The following KIF6 variants were observed in gnomAD, a reference collection of about 807,000 sequenced individuals.
The protein encoded by KIF6 is kinesin family member 6.
Under a neutral mutation model 112.7 loss-of-function variants are expected in KIF6, and 106 were observed. The ratio of observed to expected loss-of-function variants is 0.94; its 90% CI spans 0.80 to 1.11. The LOEUF is 1.11. Ranked by LOEUF, KIF6 falls within the 50% of genes least tolerant of loss-of-function variation. The pLI, the probability that KIF6 is intolerant of heterozygous loss-of-function variation, is 0.00. For synonymous variants in KIF6, 339 were observed against 339.9 expected (o/e 1.00, Z 0.03); for missense variants, 929 against 964.0 (o/e 0.96, Z 0.48).
intron 13 of KIF6, among the ~76,000 whole-genome samples, chr6:39,448,547 A>G (rs1287296469): frequency 6.6e-6 from 1 of 152,132 alleles, no homozygotes; most frequent in African/African-American, 2.4e-5. Context: ...GTCTAGTCTG[A>G]CCAATATGCA....
intron 13 of KIF6, among the ~76,000 whole-genome samples, chr6:39,520,127 G>A (rs1454665928): frequency 6.6e-6 from 1 of 152,128 alleles, no homozygotes; most frequent in African/African-American, 2.4e-5. Context: ...TTCCGGAGCA[G>A]TTTCTTATAT....
intron 13 of KIF6, among the ~76,000 whole-genome samples, chr6:39,538,565 C>G (rs1443619503): frequency 6.6e-6 from 1 of 151,764 alleles, no homozygotes; most frequent in African/African-American, 2.4e-5. Context: ...AGTCAGGAAA[C>G]AACAGGTGCT....
chr6:39,703,736 A>G (rs1173264636), intron 3 of KIF6, among the ~76,000 whole-genome samples: 1 of 152,234 alleles, frequency 6.6e-6, no homozygotes, highest in East Asian at 1.9e-4. Flanking sequence ...ATAAAGCACG[A>G]GATAAATTTA....
At chr6:39,529,328 G>A (rs1455116900) in intron 13 of KIF6, among the ~76,000 whole-genome samples, 7 of 152,136 alleles carry the variant, frequency 4.6e-5, no homozygotes, top group Non-Finnish European at 1.0e-4. Context: ...AAAATAAAAA[G>A]CTTCTGCAGA....
intron 13 of KIF6, among the ~76,000 whole-genome samples, chr6:39,488,313 C>T (rs1775255802): frequency 6.6e-6 from 1 of 152,064 alleles, no homozygotes; most frequent in African/African-American, 2.4e-5. Context: ...GTTAAGATCT[C>T]CCATTTCATT....
chr6:39,621,196 G>GACACACACACACACACAC (rs55752326), intron 5 of KIF6, among the ~76,000 whole-genome samples: 1 of 136,012 alleles, frequency 7.4e-6, no homozygotes, highest in African/African-American at 2.8e-5. Context: ...CCGTAAGATA[G>GACACACACACACACACAC]ACACACACAC....
intron 9 of KIF6, among the ~76,000 whole-genome samples, chr6:39,584,419 A>C (rs60689582): frequency 0.25 from 11,421 of 45,450 alleles, 1,066 homozygotes; most frequent in African/African-American, 0.44. Context: ...TCTGTCTCTA[A>C]AAAAAAAAAA....
At chr6:39,498,984 T>C (rs1775955351) in intron 13 of KIF6, among the ~76,000 whole-genome samples, 1 of 152,178 alleles carries the variant, frequency 6.6e-6, no homozygotes, top group South Asian at 2.1e-4. Context: ...TGATAAATGC[T>C]TTGGAAAGAA....
rs542439920 is a variant in KIF6 at position 39,346,468 on chromosome 6, G to T, written c.2231+8C>A. Reference sequence around the variant, plus strand: ...CAGCTGTCTATGAACCGGGAAGGGGGTCCTCACCAGACATCGAATCTGCCA... The same window carrying T: ...CAGCTGTCTATGAACCGGGAAGGGGTTCCTCACCAGACATCGAATCTGCCA... On this transcript the variant is annotated splice_region_variant and intron_variant, in intron 20 of 22. Coordinates refer to ENST00000287152, the MANE Select transcript of KIF6 (RefSeq NM_145027.6). 6.0e-5 allele frequency: 43 copies of T among 716,588 alleles called. No homozygotes were observed. In the East Asian group the frequency reaches 1.0e-3, roughly 17 times the overall value. 44.4% of individuals were successfully genotyped at this position (716,588 alleles called of 1,614,324 possible).
intron 13 of KIF6, among the ~76,000 whole-genome samples, chr6:39,495,988 C>T (rs893623728): frequency 6.6e-6 from 1 of 152,220 alleles, no homozygotes; most frequent in African/African-American, 2.4e-5. Flanking sequence ...CATTTCATCT[C>T]AGGCTGCTGT....
intron 14 of KIF6, among the ~76,000 whole-genome samples, chr6:39,425,910 C>G (rs932532804): frequency 3.3e-5 from 5 of 152,112 alleles, no homozygotes; most frequent in Non-Finnish European, 7.3e-5. Context: ...TTTCTCTCCA[C>G]CCTCGGTCCG....
At chr6:39,538,390 T>C (rs1778573289) in intron 13 of KIF6, among the ~76,000 whole-genome samples, 1 of 151,448 alleles carries the variant, frequency 6.6e-6, no homozygotes, top group South Asian at 2.1e-4. Flanking sequence ...AACAACCCCA[T>C]CAGAAAGTGG....
rs143260776 is a variant in KIF6 at position 39,521,413 on chromosome 6, T to C, written c.1645+18590A>G. 1.9e-4 allele frequency among the ~76,000 whole-genome samples: 29 copies of C among 152,282 alleles called. No homozygotes were observed. In the South Asian group the frequency reaches 2.7e-3, roughly 14 times the overall value. On this transcript the variant is annotated intron_variant, in intron 13 of 22. Coordinates refer to ENST00000287152, the MANE Select transcript of KIF6 (RefSeq NM_145027.6). ...TTTAGGAGATACAACACCAATTTTA[T>C]AAACATCCAACTTAGGAATGACCCA...
chr6:39,695,536 C>A (rs575521149), intron 3 of KIF6, among the ~76,000 whole-genome samples: 28 of 152,056 alleles, frequency 1.8e-4, no homozygotes, highest in Non-Finnish European at 3.2e-4. Context: ...AAATGGGCAA[C>A]CAAGATAAAA....
At chr6:39,611,948 G>T (rs933102131) in intron 6 of KIF6, among the ~76,000 whole-genome samples, 1 of 152,038 alleles carries the variant, frequency 6.6e-6, no homozygotes. Flanking sequence ...TTAAAACTAC[G>T]TGAATGTTGT....
At chr6:39,704,049 G>A (rs137930401) in intron 3 of KIF6, among the ~76,000 whole-genome samples, 6 of 152,102 alleles carry the variant, frequency 3.9e-5, no homozygotes, top group Middle Eastern at 3.4e-3. Flanking sequence ...TTGGTGCCTC[G>A]GGAGAAACCA....
At chr6:39,721,264 G>GC (rs1334124656) in intron 1 of KIF6, among the ~76,000 whole-genome samples, 1 of 152,136 alleles carries the variant, frequency 6.6e-6, no homozygotes, top group African/African-American at 2.4e-5. Flanking sequence ...CACCAAGAAT[G>GC]CTCTAATTCA....
At chr6:39,551,522 TA>T (rs1779376408) in intron 10 of KIF6, among the ~76,000 whole-genome samples, 3 of 152,164 alleles carry the variant, frequency 2.0e-5, no homozygotes, top group African/African-American at 7.2e-5. Context: ...AAATAAATGA[TA>T]AGTGCTTGAG....
chr6:39,476,299 A>G (rs1409260169), intron 13 of KIF6, among the ~76,000 whole-genome samples: 1 of 151,922 alleles, frequency 6.6e-6, no homozygotes, highest in African/African-American at 2.4e-5. Flanking sequence ...CCCATCCTCC[A>G]CTTAACTAGC....
Sources: gnomAD v4.1 joint callset for allele counts (sites outside exome capture counted in the v4.1 genomes callset) on GRCh38, gnomAD v4.1.1 for gene constraint, MANE v1.5 for transcripts, NCBI Gene and HGNC (gene_info 2026-07-23, HGNC 2026-07-21) for gene names.